ABI3BP: variants seen among roughly 807,000 people sequenced by gnomAD.
The protein encoded by ABI3BP is target of Nesh-SH3.
Under a neutral mutation model 268.6 loss-of-function variants are expected in ABI3BP, and 216 were observed. That is an observed-to-expected ratio of 0.80 (90% CI 0.72 to 0.90). The LOEUF (loss-of-function observed/expected upper bound fraction) is 0.90, where lower values mean the gene tolerates loss of function less well. Among genes scored for constraint, ABI3BP ranks in the 40% least tolerant of loss-of-function variants. The pLI, the probability that ABI3BP is intolerant of heterozygous loss-of-function variation, is 0.00. For synonymous variants in ABI3BP, 730 were observed against 730.0 expected (o/e 1.00, Z 0.00); for missense variants, 2,090 against 2,182.4 (o/e 0.96, Z 0.84).
At chr3:100,969,184 A>G (rs1397630676) in intron 1 of ABI3BP, among the ~76,000 whole-genome samples, 2 of 152,232 alleles carry the variant, frequency 1.3e-5, no homozygotes, top group African/African-American at 2.4e-5. Flanking sequence ...TACAGCCTGC[A>G]GTAAGCCACA....
intron 34 of ABI3BP, among the ~76,000 whole-genome samples, chr3:100,827,408 T>C (rs895492735): frequency 6.6e-6 from 1 of 152,050 alleles, no homozygotes; most frequent in African/African-American, 2.4e-5. Context: ...CTAAGCTCCA[T>C]AAACCAAAGA....
At chr3:100,873,731 C>G (rs369264951) in intron 9 of ABI3BP, among the ~76,000 whole-genome samples, 32 of 152,238 alleles carry the variant, frequency 2.1e-4, no homozygotes, top group South Asian at 1.5e-3. Flanking sequence ...AGATAAGGCC[C>G]CCAGTAGGGG....
intron 1 of ABI3BP, among the ~76,000 whole-genome samples, chr3:100,956,067 A>G (rs62275192): frequency 0.06 from 9,190 of 151,952 alleles, 378 homozygotes; most frequent in Non-Finnish European, 0.091. Flanking sequence ...ATGTACCTGT[A>G]ATCCCAGCTA....
intron 1 of ABI3BP, among the ~76,000 whole-genome samples, chr3:100,942,382 C>G (rs2069774137): frequency 6.6e-6 from 1 of 151,924 alleles, no homozygotes; most frequent in African/African-American, 2.4e-5. Flanking sequence ...GATAGATATA[C>G]CAAAAGCAGG....
intron 5 of ABI3BP, 68 bp from the exon 6 acceptor site, chr3:100,885,656 A>C: frequency 2.1e-6 from 2 of 954,196 alleles, no homozygotes; most frequent in Non-Finnish European, 3.2e-6. Context: ...CTAGCTAATC[A>C]TTATGAAGAC....
At chr3:100,977,916 G>A (rs950721415) in intron 1 of ABI3BP, among the ~76,000 whole-genome samples, 4 of 152,094 alleles carry the variant, frequency 2.6e-5, no homozygotes, top group Non-Finnish European at 5.9e-5. Flanking sequence ...GGCCCTCTCT[G>A]CATGATCTAT....
At chr3:100,886,888 GT>G (rs2042227468) in intron 4 of ABI3BP, among the ~76,000 whole-genome samples, 1 of 151,892 alleles carries the variant, frequency 6.6e-6, no homozygotes, top group African/African-American at 2.4e-5. Flanking sequence ...AATAAAAAAA[GT>G]TAATGCCAAT....
At chr3:100,981,988 G>T (rs1402740938) in intron 1 of ABI3BP, among the ~76,000 whole-genome samples, 2 of 152,182 alleles carry the variant, frequency 1.3e-5, no homozygotes, top group Non-Finnish European at 2.9e-5. Context: ...AAAGGAAAGA[G>T]GTTTAATTGA....
At chr3:100,768,151 C>G (rs2096380461) in intron 62 of ABI3BP, among the ~76,000 whole-genome samples, 1 of 146,698 alleles carries the variant, frequency 6.8e-6, no homozygotes, top group Non-Finnish European at 1.5e-5. Context: ...TGCAGTGACG[C>G]CATCTCGGCT....
intron 1 of ABI3BP, among the ~76,000 whole-genome samples, chr3:100,985,404 C>T (rs574330219): frequency 1.3e-5 from 2 of 152,046 alleles, no homozygotes; most frequent in Non-Finnish European, 2.9e-5. Flanking sequence ...CCGCCTTGGC[C>T]TCCCAAAGTG....
chr3:100,949,903 C>T (rs560368512), intron 1 of ABI3BP, among the ~76,000 whole-genome samples: 4 of 152,252 alleles, frequency 2.6e-5, no homozygotes, highest in Non-Finnish European at 5.9e-5. Context: ...CCACAATTGC[C>T]CTTTTGTTCA....
intron 1 of ABI3BP, among the ~76,000 whole-genome samples, chr3:100,964,338 T>A (rs911690909): frequency 1.3e-5 from 2 of 152,196 alleles, no homozygotes; most frequent in Non-Finnish European, 2.9e-5. Context: ...ATGTCATACC[T>A]GATCAAACTA....
At chr3:100,860,657 C>T (rs907269670) in intron 14 of ABI3BP, among the ~76,000 whole-genome samples, 3 of 152,108 alleles carry the variant, frequency 2.0e-5, no homozygotes, top group African/African-American at 7.2e-5. Flanking sequence ...AATTCATATG[C>T]CAGGTATTAA....
chr3:100,869,330 G>GTT (rs144604645), intron 9 of ABI3BP, among the ~76,000 whole-genome samples: 595 of 49,750 alleles, frequency 0.012, 87 homozygotes, highest in African/African-American at 0.047. Context: ...CTTCTTTTTG[G>GTT]TTTTTTTTTT....
intron 34 of ABI3BP, 117 bp from the exon 35 acceptor site, chr3:100,825,961 G>T: frequency 2.6e-6 from 2 of 775,156 alleles, no homozygotes; most frequent in Non-Finnish European, 4.3e-6. Flanking sequence ...ACATTTCTGG[G>T]AAGGGCATTA....
chr3:100,864,125 T>C (rs1194206925), intron 11 of ABI3BP, 49 bp from the exon 12 acceptor site: 1 of 1,258,530 alleles, frequency 7.9e-7, no homozygotes, highest in Non-Finnish European at 1.1e-6. Context: ...TGGGTTTTGA[T>C]GTTGTGGCTT....
chr3:100,765,288 A>G (rs554251331), intron 63 of ABI3BP, among the ~76,000 whole-genome samples: 1 of 152,380 alleles, frequency 6.6e-6, no homozygotes, highest in Admixed American at 6.5e-5. Flanking sequence ...AGGGATACTT[A>G]GAAAAGTTAT....
chr3:100,852,203 A>G (rs902955166), intron 14 of ABI3BP, among the ~76,000 whole-genome samples: 3 of 152,172 alleles, frequency 2.0e-5, no homozygotes, highest in African/African-American at 7.2e-5. Flanking sequence ...ACATAGTGCT[A>G]TATATTTATA....
intron 45 of ABI3BP, among the ~76,000 whole-genome samples, chr3:100,813,406 C>T (rs1048496949): frequency 1.3e-5 from 2 of 151,928 alleles, no homozygotes; most frequent in African/African-American, 4.8e-5. Flanking sequence ...GGTTTGTCAA[C>T]CACTTAATCA....
Sources: allele counts gnomAD v4.1 joint callset (sites outside exome capture counted in the v4.1 genomes callset), GRCh38; gene constraint gnomAD v4.1.1; transcripts MANE v1.5; gene names NCBI Gene and HGNC (gene_info 2026-07-23, HGNC 2026-07-21).